The following SAMSN1 variants were observed in gnomAD, a reference collection of about 807,000 sequenced individuals.
SAMSN1 encodes SAM domain, SH3 domain and nuclear localization signals 1.
SAMSN1 carries 31 observed loss-of-function variants against 42.0 expected under a neutral mutation model. The observed-to-expected ratio is 0.74, with a 90% confidence interval of 0.55 to 1.00. The LOEUF (loss-of-function observed/expected upper bound fraction) is 1.00, where lower values mean the gene tolerates loss of function less well. SAMSN1 is among the 50% of genes least tolerant of loss of function. SAMSN1 has a pLI of 0.00. For synonymous variants in SAMSN1, 178 were observed against 151.9 expected, an observed-to-expected ratio of 1.17 and a Z score of -1.26; for missense variants, 464 against 439.4, an observed-to-expected ratio of 1.06 and a Z score of -0.50.
At chr21:14,524,356 G>C (rs1374672720) in intron 1 of SAMSN1, among the ~76,000 whole-genome samples, 3 of 146,392 alleles carry the variant, frequency 2.0e-5, no homozygotes, top group Non-Finnish European at 4.6e-5. Context: ...TCAAGACAGA[G>C]TTATTATATA....
intron 5 of SAMSN1, among the ~76,000 whole-genome samples, chr21:14,502,142 T>A (rs1279582158): frequency 6.6e-6 from 1 of 152,234 alleles, no homozygotes; most frequent in Non-Finnish European, 1.5e-5. Context: ...GCTCTGAGAA[T>A]GTGTGTTCTT....
At chr21:14,560,736 CTG>C (rs1980918326) in intron 2 of SAMSN1, among the ~76,000 whole-genome samples, 1 of 152,182 alleles carries the variant, frequency 6.6e-6, no homozygotes, top group Admixed American at 6.5e-5. Flanking sequence ...ACAAATCTAA[CTG>C]TGTCCCTCTC....
At chr21:14,621,228 T>C (rs181107120) in intron 2 of SAMSN1, among the ~76,000 whole-genome samples, 2 of 152,256 alleles carry the variant, frequency 1.3e-5, no homozygotes, top group African/African-American at 2.4e-5. Flanking sequence ...GCTCCCAGCA[T>C]GAGTGACACA....
chr21:14,629,758 T>C (rs758358948), intron 2 of SAMSN1, among the ~76,000 whole-genome samples: 1 of 152,128 alleles, frequency 6.6e-6, no homozygotes, highest in Non-Finnish European at 1.5e-5. Flanking sequence ...AAGAGAGCTT[T>C]ATATCAATCC....
intron 2 of SAMSN1, among the ~76,000 whole-genome samples, chr21:14,630,672 G>A (rs565251670): frequency 6.6e-6 from 1 of 152,254 alleles, no homozygotes; most frequent in South Asian, 2.1e-4. Context: ...TTTAGTCAAC[G>A]TAATCTGTGT....
chr21:14,594,910 A>C (rs2123282547), intron 6 of SAMSN1, among the ~76,000 whole-genome samples: 1 of 152,308 alleles, frequency 6.6e-6, no homozygotes, highest in South Asian at 2.1e-4. Flanking sequence ...ACAGTTCTAC[A>C]GGCTGTACAA....
At chr21:14,626,843 C>T (rs1206620372) in intron 2 of SAMSN1, among the ~76,000 whole-genome samples, 1 of 152,222 alleles carries the variant, frequency 6.6e-6, no homozygotes, top group East Asian at 1.9e-4. Flanking sequence ...TTTATTGTGG[C>T]ACTATTCACA....
At chr21:14,606,860 ATGT>A (rs1326309454) in intron 5 of SAMSN1, among the ~76,000 whole-genome samples, 5 of 152,220 alleles carry the variant, frequency 3.3e-5, no homozygotes, top group Non-Finnish European at 7.4e-5. Context: ...TAGTACAGTC[ATGT>A]TGTTGAGCTA....
chr21:14,622,119 T>C (rs891077021), intron 2 of SAMSN1, among the ~76,000 whole-genome samples: 2 of 152,150 alleles, frequency 1.3e-5, no homozygotes, highest in East Asian at 3.9e-4. Flanking sequence ...CAAAACCCCA[T>C]CTGTACATCA....
At chr21:14,607,839 C>T (rs1055638831) in intron 5 of SAMSN1, among the ~76,000 whole-genome samples, 6 of 152,132 alleles carry the variant, frequency 3.9e-5, no homozygotes, top group Non-Finnish European at 8.8e-5. Context: ...TCTGTAACAC[C>T]ATTATACCTT....
chr21:14,567,518 A>G (rs1981160723), intron 2 of SAMSN1, among the ~76,000 whole-genome samples: 1 of 152,106 alleles, frequency 6.6e-6, no homozygotes, highest in Admixed American at 6.6e-5. Context: ...AATATTCTCT[A>G]ATGGGATTTT....
At chr21:14,585,902 T>C (rs753300230), upstream of SAMSN1, among the ~76,000 whole-genome samples, 1 of 151,976 alleles carries the variant, frequency 6.6e-6, no homozygotes, top group African/African-American at 2.4e-5. Flanking sequence ...AGGGATGAAA[T>C]TTAGAGTTAA....
At chr21:14,633,176 GCTCTCT>G (rs141134431) in intron 2 of SAMSN1, among the ~76,000 whole-genome samples, 1 of 147,882 alleles carries the variant, frequency 6.8e-6, no homozygotes, top group Non-Finnish European at 1.5e-5. Flanking sequence ...TCTAGATGTT[GCTCTCT>G]CTCTCTCTCT....
chr21:14,533,219 T>C (rs1979381656), intron 1 of SAMSN1, among the ~76,000 whole-genome samples: 1 of 152,150 alleles, frequency 6.6e-6, no homozygotes, highest in South Asian at 2.1e-4. Context: ...GCCCAGCCAC[T>C]CTTATTTAAT....
intron 7 of SAMSN1, among the ~76,000 whole-genome samples, chr21:14,491,060 G>A (rs999096817): frequency 6.6e-6 from 1 of 152,184 alleles, no homozygotes; most frequent in Non-Finnish European, 1.5e-5. Flanking sequence ...TTTTGGTAAT[G>A]ACCAAATAAC....
intron 2 of SAMSN1, among the ~76,000 whole-genome samples, chr21:14,577,260 A>T (rs868313292): frequency 7.1e-5 from 3 of 42,346 alleles, no homozygotes; most frequent in African/African-American, 5.2e-4. Flanking sequence ...ATATATATAT[A>T]TATATATATA....
intron 1 of SAMSN1, among the ~76,000 whole-genome samples, chr21:14,528,037 T>C (rs1406589622): frequency 1.3e-5 from 2 of 152,164 alleles, no homozygotes; most frequent in African/African-American, 4.8e-5. Flanking sequence ...TACTGTTACA[T>C]GTTTTAAATA....
intron 6 of SAMSN1, among the ~76,000 whole-genome samples, chr21:14,499,446 A>C (rs371078376): frequency 6.6e-6 from 1 of 151,472 alleles, no homozygotes; most frequent in Admixed American, 6.6e-5. Context: ...AGGAAGTCTA[A>C]AAGTTTTAAG....
At chr21:14,561,962 G>A (rs1347835633) in intron 2 of SAMSN1, among the ~76,000 whole-genome samples, 2 of 151,888 alleles carry the variant, frequency 1.3e-5, no homozygotes, top group Non-Finnish European at 2.9e-5. Flanking sequence ...AAAAGAGCAT[G>A]GCCCTGCCAA....
Sources: allele counts gnomAD v4.1 joint callset (sites outside exome capture counted in the v4.1 genomes callset), GRCh38; gene constraint gnomAD v4.1.1; transcripts MANE v1.5; gene names NCBI Gene and HGNC (gene_info 2026-07-23, HGNC 2026-07-21).